Variants in FMN2 observed in about 807,000 individuals in gnomAD.
FMN2 encodes formin 2.
Under a neutral mutation model 142.3 loss-of-function variants are expected in FMN2, and 51 were observed. The observed-to-expected ratio is 0.36, with a 90% CI of 0.29 to 0.45. The LOEUF is 0.45. Ranked by LOEUF, FMN2 falls within the 20% of genes least tolerant of loss-of-function variation. FMN2 has a pLI of 1.00. For missense variants in FMN2, 1,936 were observed against 2,122.8 expected (o/e 0.91, Z 1.73); for synonymous variants, 882 against 869.8 (o/e 1.01, Z -0.25).
chr1:240,458,712 T>C (rs535991577), intron 16 of FMN2: 17 of 152,322 alleles, frequency 1.1e-4, no homozygotes, highest in African/African-American at 3.8e-4. Flanking sequence ...AACAGCACTA[T>C]TCTCTGATAA....
At chr1:240,113,232 T>C (rs1005974540) in intron 1 of FMN2, among the ~76,000 whole-genome samples, 44 of 152,168 alleles carry the variant, frequency 2.9e-4, no homozygotes, top group African/African-American at 1.1e-3. Flanking sequence ...GGGAAGCCTC[T>C]GGTTCCTGGC....
chr1:240,375,255 C>T (rs905301918), intron 14 of FMN2, among the ~76,000 whole-genome samples: 11 of 152,050 alleles, frequency 7.2e-5, no homozygotes, highest in Admixed American at 2.6e-4. Context: ...GTTTGAAATA[C>T]GGCGAGAATT....
intron 15 of FMN2, among the ~76,000 whole-genome samples, chr1:240,405,316 T>C (rs1247271116): frequency 6.6e-6 from 1 of 152,082 alleles, no homozygotes; most frequent in Non-Finnish European, 1.5e-5. Context: ...GGCTAGCAAA[T>C]GAGGTTATGA....
intron 7 of FMN2, among the ~76,000 whole-genome samples, chr1:240,273,852 A>C (rs1406899947): frequency 6.6e-6 from 1 of 152,056 alleles, no homozygotes; most frequent in African/African-American, 2.4e-5. Context: ...TTCTGTGCCA[A>C]GTAGAGAGAT....
chr1:240,448,554 G>A (rs995611899), intron 16 of FMN2, among the ~76,000 whole-genome samples: 3 of 152,102 alleles, frequency 2.0e-5, no homozygotes, highest in South Asian at 2.1e-4. Context: ...TGTGGCACAC[G>A]CTTGTATCCC....
At chr1:240,095,442 C>T (rs1357774189) in intron 1 of FMN2, among the ~76,000 whole-genome samples, 1 of 151,594 alleles carries the variant, frequency 6.6e-6, no homozygotes, top group Non-Finnish European at 1.5e-5. Flanking sequence ...AGGCAGTATT[C>T]TAAATAGTAG....
intron 1 of FMN2, among the ~76,000 whole-genome samples, chr1:240,106,843 C>G (rs1366072354): frequency 6.6e-6 from 1 of 151,746 alleles, no homozygotes; most frequent in East Asian, 2.0e-4. Context: ...ACCACCACGC[C>G]CAGCTAATTT....
At chr1:240,329,013 A>T (rs1230876106) in intron 8 of FMN2, 63 bp from the exon 9 acceptor site, 2 of 1,359,298 alleles carry the variant, frequency 1.5e-6, no homozygotes, top group Non-Finnish European at 2.1e-6. Flanking sequence ...AGATAATTAG[A>T]TTATTATCTA....
intron 16 of FMN2, among the ~76,000 whole-genome samples, chr1:240,468,333 T>TATATACATATGCACACACAC (rs1676699622): frequency 5.3e-5 from 8 of 152,096 alleles, no homozygotes; most frequent in Admixed American, 1.3e-4. Context: ...CACACACACA[T>TATATACATATGCACACACAC]ATATACGTAT....
At chr1:240,226,044 A>G (rs1266324157) in intron 6 of FMN2, among the ~76,000 whole-genome samples, 2 of 152,334 alleles carry the variant, frequency 1.3e-5, no homozygotes, top group East Asian at 3.9e-4. Context: ...TGACAGCCTC[A>G]GAAAAATGGG....
At position 240,093,431 on chromosome 1, in the gene FMN2, C is replaced by T. The variant is rs1460058845; in HGVS notation, c.1322C>T (p.Pro441Leu). The T allele has an allele frequency of 6.2e-7, 1 of 1,613,514 alleles. No homozygotes were observed. Among genetic ancestry groups the T allele is most frequent in the African/African-American group, 1.3e-5 (1 of 74,966 alleles). ...CCGTCTCAGTCCCCTAATCAGAGCC[C>T]CAGGATCAAGAGGCGGCCGGAACCC... ...HSPSQSPNQS[P>L]RIKRRPEPSL... The change falls in exon 1 of 18, where the codon CCC becomes CTC. Residue 441 changes from proline (P) to leucine (L), a missense_variant. Physicochemically the swap from Pro to Leu is moderately conservative, Grantham distance 98. This residue lies in a region of FMN2 where 751 missense variants were observed against 791.8 expected (regional missense o/e 0.95). Coordinates refer to ENST00000319653, the MANE Select transcript of FMN2 (RefSeq NM_020066.5).
At chr1:240,457,081 G>GTACTAT (rs1676273428) in intron 16 of FMN2, among the ~76,000 whole-genome samples, 1 of 152,060 alleles carries the variant, frequency 6.6e-6, no homozygotes, top group Admixed American at 6.6e-5. Context: ...GCCAGCACTG[G>GTACTAT]TACTATGATT....
intron 7 of FMN2, among the ~76,000 whole-genome samples, chr1:240,258,473 T>TG (rs1231078437): frequency 6.6e-6 from 1 of 152,134 alleles, no homozygotes; most frequent in Non-Finnish European, 1.5e-5. Context: ...AGAGCTCTCT[T>TG]GTGTCTGTTT....
intron 8 of FMN2, among the ~76,000 whole-genome samples, chr1:240,297,486 C>T (rs1670026840): frequency 6.7e-6 from 1 of 149,980 alleles, no homozygotes. Flanking sequence ...ATCCCAGCTA[C>T]TCGGGAGGCT....
At chr1:240,367,657 A>C (rs2103064640) in intron 14 of FMN2, among the ~76,000 whole-genome samples, 1 of 150,980 alleles carries the variant, frequency 6.6e-6, no homozygotes, top group Non-Finnish European at 1.5e-5. Context: ...AGTCCCAGCT[A>C]CTCGGGAGGC....
At chr1:240,221,190 G>A (rs780344655) in intron 6 of FMN2, among the ~76,000 whole-genome samples, 16 of 152,262 alleles carry the variant, frequency 1.1e-4, no homozygotes, top group Middle Eastern at 3.4e-3. Context: ...GTGTGCATGC[G>A]TCTTTATAGT....
chr1:240,426,152 G>A (rs1674930119), intron 15 of FMN2, among the ~76,000 whole-genome samples: 1 of 152,120 alleles, frequency 6.6e-6, no homozygotes. Flanking sequence ...TGCTATTTTA[G>A]GATAATTACT....
Position 240,145,645 on chromosome 1 carries a change from G to C in FMN2, c.1782+22300G>C, listed in dbSNP as rs548740048. On this transcript the variant is annotated intron_variant, in intron 2 of 17. Transcript: ENST00000319653. ...CAGCTTCAGACTGTCGAGTAGCGAG[G>C]ACCACAGGCACGTACCACCACACTC... 2.0e-5 allele frequency among the ~76,000 whole-genome samples: 3 copies of C among 146,902 alleles called. No individual in the cohort carries two copies. The South Asian group carries it at 6.5e-4, about 32-fold the overall frequency.
At chr1:240,217,649 G>C (rs1488559095) in intron 6 of FMN2, among the ~76,000 whole-genome samples, 1 of 151,870 alleles carries the variant, frequency 6.6e-6, no homozygotes, top group Non-Finnish European at 1.5e-5. Context: ...TGTTTAAGAT[G>C]TTGAAAGATT....
Sources: gnomAD v4.1 joint callset for allele counts (sites outside exome capture counted in the v4.1 genomes callset) on GRCh38, gnomAD v4.1.1 for gene constraint, gnomAD v4.1.1 regional missense constraint, MANE v1.5 for transcripts, NCBI Gene and HGNC (gene_info 2026-07-23, HGNC 2026-07-21) for gene names.